C10orf53: variants seen among roughly 807,000 people sequenced by gnomAD.
C10orf53 encodes the protein UPF0728 protein C10orf53.
C10orf53 carries 8 observed loss-of-function variants against 9.4 expected under a neutral mutation model. The observed-to-expected ratio is 0.85, with a 90% CI of 0.50 to 1.53. C10orf53 has a LOEUF of 1.53. Among genes scored for constraint, C10orf53 ranks in the 40% most tolerant of loss-of-function variants. The probability of loss-of-function intolerance (pLI) is 0.00; values close to 1 mark genes in which losing one functional copy is unlikely to be tolerated. For missense variants in C10orf53, 117 were observed against 117.8 expected, an observed-to-expected ratio of 0.99 and a Z score of 0.03; for synonymous variants, 48 against 46.0, an observed-to-expected ratio of 1.04 and a Z score of -0.18.
At chr10:49,710,216 G>A (rs7092087) in exon 3 of C10orf53, 70,813 of 151,872 alleles carry the variant, frequency 0.47, 16,883 homozygotes, top group Middle Eastern at 0.51. Flanking sequence ...ACAGTTGCTC[G>A]AGGGCCAGTG....
chr10:49,693,995 G>A (rs1321341074), intron 2 of C10orf53, 102 bp downstream of exon 2: 8 of 1,543,506 alleles, frequency 5.2e-6, no homozygotes, highest in Non-Finnish European at 7.1e-6. Flanking sequence ...GATTCAAATT[G>A]GGTTTCTTTC....
chr10:49,682,997 C>T (rs541304221), intron 1 of C10orf53, among the ~76,000 whole-genome samples: 39 of 152,268 alleles, frequency 2.6e-4, no homozygotes, highest in Admixed American at 1.0e-3. Flanking sequence ...TGGGTTGTTT[C>T]CACCTTTCCG....
At chr10:49,705,121 T>C (rs1840713976) in intron 2 of C10orf53, among the ~76,000 whole-genome samples, 1 of 152,226 alleles carries the variant, frequency 6.6e-6, no homozygotes, top group Non-Finnish European at 1.5e-5. Flanking sequence ...AGTACTGTTA[T>C]GGAAAGCTCT....
chr10:49,708,293 G>A, intron 2 of C10orf53: 1 of 1,576,340 alleles, frequency 6.3e-7, no homozygotes, highest in South Asian at 1.2e-5. Context: ...TGAGTGTTCA[G>A]TCGACAACAG....
intron 2 of C10orf53, among the ~76,000 whole-genome samples, chr10:49,703,112 C>A (rs1482899481): frequency 6.6e-6 from 1 of 152,180 alleles, no homozygotes; most frequent in African/African-American, 2.4e-5. Flanking sequence ...AGACTAGAGT[C>A]AAGCTCAACA....
At chr10:49,687,399 T>G (rs1840539471) in intron 1 of C10orf53, among the ~76,000 whole-genome samples, 1 of 152,208 alleles carries the variant, frequency 6.6e-6, no homozygotes, top group Non-Finnish European at 1.5e-5. Flanking sequence ...CTCTCCCTGG[T>G]CACTTATCTC....
Position 49,696,188 on chromosome 10 carries a change from G to A in C10orf53, c.*1586G>A, listed in dbSNP as rs1304605583. On this transcript the variant is annotated 3_prime_UTR_variant, in exon 3 of 3. Transcript: ENST00000374111. ...TTTCAACTTTTATTTTAGATACAGG[G>A]GGTACATGGGCAGGTATGTTGAATC... The A allele has an allele frequency of 6.6e-6, 1 of 152,022 alleles. No individual in the cohort carries two copies. Among genetic ancestry groups the A allele is most frequent in the Admixed American group, 6.5e-5 (1 of 15,272 alleles). 9.4% of individuals were successfully genotyped at this position (152,022 alleles called of 1,614,324 possible).
chr10:49,685,543 A>G (rs1403998240), intron 1 of C10orf53, among the ~76,000 whole-genome samples: 1 of 152,212 alleles, frequency 6.6e-6, no homozygotes, highest in Non-Finnish European at 1.5e-5. Context: ...TTGTGTATGT[A>G]TATGTACACA....
chr10:49,707,749 A>C (rs1840732873), intron 2 of C10orf53, among the ~76,000 whole-genome samples: 1 of 152,184 alleles, frequency 6.6e-6, no homozygotes, highest in Admixed American at 6.5e-5. Flanking sequence ...CATGGAAGCC[A>C]GGTAGCACGC....
At chr10:49,699,148 A>AT (rs1267415799), downstream of C10orf53, among the ~76,000 whole-genome samples, 332 of 100,976 alleles carry the variant, frequency 3.3e-3, no homozygotes, top group African/African-American at 5.0e-3. Context: ...AAGATTTATC[A>AT]TTTTTCTTTC....
chr10:49,698,832 C>G (rs935714053), downstream of C10orf53, among the ~76,000 whole-genome samples: 1 of 152,092 alleles, frequency 6.6e-6, no homozygotes, highest in Non-Finnish European at 1.5e-5. Flanking sequence ...AGCACACACC[C>G]GAGGCCTCCG....
intron 1 of C10orf53, among the ~76,000 whole-genome samples, chr10:49,692,592 A>G (rs1153794): frequency 0.36 from 54,280 of 152,132 alleles, 11,072 homozygotes; most frequent in Non-Finnish European, 0.45. Context: ...TTTCCATCCT[A>G]AACAAAATTC....
downstream of C10orf53, among the ~76,000 whole-genome samples, chr10:49,699,190 C>T (rs1282939234): frequency 6.5e-3 from 422 of 64,862 alleles, 1 homozygote; most frequent in Middle Eastern, 0.023. Context: ...GTGGCTCAAT[C>T]TTTTTTTTTT....
At position 49,694,458 on chromosome 10, in the gene C10orf53, G is replaced by A. The variant is rs192628854; in HGVS notation, c.218-80G>A. 1.2e-5 allele frequency: 19 copies of A among 1,575,494 alleles called. No homozygotes were observed. The African/African-American group carries it at 2.0e-4, about 17-fold the overall frequency. On this transcript the variant is annotated intron_variant, in intron 2 of 2. Transcript: ENST00000374111. ...CATGGCCTTTGAAAATGCACTCTGG[G>A]TGGAAGCCATAGGTATGTCTGATAT...
chr10:49,699,221 G>A (rs1487438080), downstream of C10orf53, among the ~76,000 whole-genome samples: 1 of 26,672 alleles, frequency 3.7e-5, no homozygotes, highest in Non-Finnish European at 8.1e-5. Flanking sequence ...TTTTGACAAG[G>A]CCTTGCTCTA....
chr10:49,688,467 G>A (rs145624116), intron 1 of C10orf53, among the ~76,000 whole-genome samples: 6 of 152,054 alleles, frequency 3.9e-5, no homozygotes, highest in Non-Finnish European at 7.4e-5. Context: ...CTTGCAGTTT[G>A]TTCTCAGTAA....
chr10:49,697,594 G>A (rs901304574), downstream of C10orf53, among the ~76,000 whole-genome samples: 4 of 152,144 alleles, frequency 2.6e-5, no homozygotes, highest in Admixed American at 6.6e-5. Flanking sequence ...CTCTGTCACC[G>A]AGGCTGGAGT....
chr10:49,692,505 A>G (rs1169331983), intron 1 of C10orf53, among the ~76,000 whole-genome samples: 1 of 152,280 alleles, frequency 6.6e-6, no homozygotes, highest in Non-Finnish European at 1.5e-5. Flanking sequence ...ATTAACTGAC[A>G]TAACTGTTTG....
chr10:49,706,950 G>T (rs984534338), intron 2 of C10orf53, among the ~76,000 whole-genome samples: 5 of 152,188 alleles, frequency 3.3e-5, no homozygotes, highest in Admixed American at 1.3e-4. Context: ...CTTGCCCAGG[G>T]TTACCTGAGA....
Sources: gnomAD v4.1 joint callset for allele counts (sites outside exome capture counted in the v4.1 genomes callset) on GRCh38, gnomAD v4.1.1 for gene constraint, MANE v1.5 for transcripts, NCBI Gene and HGNC (gene_info 2026-07-23, HGNC 2026-07-21) for gene names.